GPR55: variants seen among roughly 807,000 people sequenced by gnomAD.
The protein encoded by GPR55 is G-protein coupled receptor 55.
A neutral mutation model predicts 7.9 loss-of-function variants in GPR55; 6 were observed. The ratio of observed to expected loss-of-function variants is 0.76; its 90% confidence interval spans 0.41 to 1.49. GPR55 has a LOEUF of 1.49. Among genes scored for constraint, GPR55 ranks in the 40% most tolerant of loss-of-function variants. The probability of loss-of-function intolerance (pLI) is 0.01; values close to 1 mark genes in which losing one functional copy is unlikely to be tolerated. For missense variants in GPR55, 376 were observed against 406.0 expected (o/e 0.93, Z 0.63); for synonymous variants, 183 against 166.8 (o/e 1.10, Z -0.75).
chr2:230,924,108 C>T lies in GPR55; in HGVS notation c.-135+1060G>A, dbSNP rs532814369. On this transcript the variant is annotated intron_variant, in intron 1 of 1. Transcript: ENST00000650999. This position sits in a 1 kb window ranked among gnomAD's most constrained non-coding sequence, Gnocchi z 4.5. The stretch of plus-strand genomic sequence containing the variant: ...GTGTCCCTGCTGTCCTCCAGCAACC[C>T]CAGGACCAGGACCATGTCCCTTTCA... Among the ~76,000 whole-genome samples the T allele has an allele frequency of 4.6e-5, 7 of 152,280 alleles. No individual in the cohort carries two copies. The East Asian group carries it at 1.3e-3, about 29-fold the overall frequency.
At chr2:230,931,894 G>A (rs1691045771) in intron 1 of GPR55, among the ~76,000 whole-genome samples, 1 of 151,924 alleles carries the variant, frequency 6.6e-6, no homozygotes, top group Non-Finnish European at 1.5e-5. Context: ...TGCTCCTGGA[G>A]CCAAAGGGAA....
rs752282468 is a variant in GPR55 at position 230,923,999 on chromosome 2, T to C, written c.-135+1169A>G. 3.0e-4 allele frequency among the ~76,000 whole-genome samples: 45 copies of C among 152,010 alleles called. No homozygotes were observed. Among genetic ancestry groups the C allele is most frequent in the Non-Finnish European group, 5.6e-4 (38 of 67,988 alleles). Reference sequence around the variant, plus strand: ...TTCCTTGAAATGCCCACTTCCCAGGTTCACCCACATCATCTGATGTGGTTT... The same window carrying C: ...TTCCTTGAAATGCCCACTTCCCAGGCTCACCCACATCATCTGATGTGGTTT... On this transcript the variant is annotated intron_variant, in intron 1 of 1. Transcript: ENST00000650999. The surrounding 1 kb of genome is among the most constrained non-coding windows in gnomAD (Gnocchi z 4.1).
intron 1 of GPR55, among the ~76,000 whole-genome samples, chr2:230,952,608 C>G (rs1020289646): frequency 6.6e-6 from 1 of 152,230 alleles, no homozygotes; most frequent in Non-Finnish European, 1.5e-5. Context: ...ATAGAGAACC[C>G]CTGCCCACAA....
chr2:230,935,262 G>A (rs933933335), intron 1 of GPR55, among the ~76,000 whole-genome samples: 7 of 152,148 alleles, frequency 4.6e-5, no homozygotes, highest in Admixed American at 3.3e-4. Flanking sequence ...AGGCAGGCAC[G>A]TCTTAGGAAC....
intron 1 of GPR55, among the ~76,000 whole-genome samples, chr2:230,947,065 T>G (rs1691329658): frequency 6.6e-6 from 1 of 152,228 alleles, no homozygotes; most frequent in African/African-American, 2.4e-5. Flanking sequence ...CCCTGTCACA[T>G]TGGCCACACC....
At chr2:230,913,461 A>G (rs1474475932) in intron 1 of GPR55, among the ~76,000 whole-genome samples, 1 of 152,242 alleles carries the variant, frequency 6.6e-6, no homozygotes, top group Non-Finnish European at 1.5e-5. Context: ...AACATTTAAC[A>G]TACATTACTT....
At chr2:230,958,031 T>C in intron 1 of GPR55, 1 of 304,192 alleles carries the variant, frequency 3.3e-6, no homozygotes, top group Non-Finnish European at 6.8e-6. Flanking sequence ...AAACATTTTA[T>C]GTACAATAAG....
chr2:230,926,440 A>G (rs1690943052), upstream of GPR55, among the ~76,000 whole-genome samples: 1 of 152,162 alleles, frequency 6.6e-6, no homozygotes, highest in Admixed American at 6.5e-5. Flanking sequence ...ATCTAAGCCA[A>G]AGGCTGGCTA....
intron 1 of GPR55, among the ~76,000 whole-genome samples, chr2:230,958,744 T>C (rs1234523978): frequency 6.6e-6 from 1 of 152,244 alleles, no homozygotes; most frequent in African/African-American, 2.4e-5. Context: ...AATTAACACA[T>C]AATCTGCAAA....
At chr2:230,946,973 A>T (rs1045872530) in intron 1 of GPR55, among the ~76,000 whole-genome samples, 3 of 152,234 alleles carry the variant, frequency 2.0e-5, no homozygotes, top group Non-Finnish European at 4.4e-5. Context: ...AAAAGTAAAT[A>T]AGAATTGGCA....
Position 230,910,171 on chromosome 2 carries a change from C to A in GPR55, c.792G>T (p.Gln264His). Residue 264 changes from glutamine (Q) to histidine (H), a missense_variant, in exon 2 of 2, where the codon CAG becomes CAT. Coordinates refer to ENST00000650999, the MANE Select transcript of GPR55 (RefSeq NM_005683.4). The surrounding 1 kb of genome is among the most constrained non-coding windows in gnomAD (Gnocchi z 5.4). The stretch of plus-strand genomic sequence containing the variant: ...ACAATTGCAAGAAGAAGCTGATGCT[C>A]TGCTTGGCTCTGCACTCTACGATAA... ...NSFIVECRAK[Q>H]SISFFLQLSM... is the part of the protein sequence containing the mutation. 1 of 1,614,194 alleles carries A rather than the reference C, an allele frequency of 6.2e-7. No individual in the cohort carries two copies.
At chr2:230,925,629 G>A (rs998172912), upstream of GPR55, among the ~76,000 whole-genome samples, 3 of 152,204 alleles carry the variant, frequency 2.0e-5, no homozygotes, top group African/African-American at 7.2e-5. Flanking sequence ...CCTGCCAAGG[G>A]CCGTCGTGGC....
chr2:230,932,635 G>A (rs1026571249), intron 1 of GPR55, among the ~76,000 whole-genome samples: 3 of 152,186 alleles, frequency 2.0e-5, no homozygotes, highest in African/African-American at 4.8e-5. Context: ...CGTGGGGCTC[G>A]AAACTGGCCA....
At chr2:230,911,698 C>A (rs920941944) in intron 1 of GPR55, among the ~76,000 whole-genome samples, 2 of 152,090 alleles carry the variant, frequency 1.3e-5, no homozygotes, top group Non-Finnish European at 2.9e-5. Context: ...CCTCTTGTAC[C>A]CCAAAGAGAA....
chr2:230,910,885 G>T lies in GPR55; in HGVS notation c.78C>A (p.Val26=). 2 of 1,614,120 alleles carry T rather than the reference G, an allele frequency of 1.2e-6. No individual in the cohort carries two copies. Among genetic ancestry groups the T allele is most frequent in the Non-Finnish European group, 1.7e-6 (2 of 1,179,988 alleles). ...GGCCCAGGACGAAGGTGGGGATGTG[G>T]ACTGCAAACTGTAGGGTTTTCATCA... ...NELMKTLQFA[V]HIPTFVLGLL... is the part of the protein sequence containing the mutation. The change falls in exon 2 of 2, where the codon GTC becomes GTA. Residue 26 remains valine, a synonymous_variant. Transcript: ENST00000650999. This position sits in a 1 kb window ranked among gnomAD's most constrained non-coding sequence, Gnocchi z 5.4.
rs201821985 is a variant in GPR55 at position 230,910,585 on chromosome 2, C to T, written c.378G>A (p.Pro126=). 12 of 1,613,842 alleles carry T rather than the reference C, an allele frequency of 7.4e-6. No homozygotes were observed. The East Asian group carries it at 1.6e-4, about 21-fold the overall frequency. The change falls in exon 2 of 2, where the codon CCG becomes CCA. Residue 126 remains proline (P), a synonymous_variant. Coordinates refer to ENST00000650999, the MANE Select transcript of GPR55 (RefSeq NM_005683.4). This position sits in a 1 kb window ranked among gnomAD's most constrained non-coding sequence, Gnocchi z 5.4. ...SMDRFLAIRY[P]LLVSHLRSPR... is the part of the protein sequence containing the mutation. ...GGGACCGGAGGTGGCTCACCAGTAG[C>T]GGGTAACGGATGGCCAAGAACCGGT...
At chr2:230,929,208 T>G (rs1432427441), upstream of GPR55, among the ~76,000 whole-genome samples, 1 of 151,896 alleles carries the variant, frequency 6.6e-6, no homozygotes, top group Non-Finnish European at 1.5e-5. Flanking sequence ...GTCAGCTGGG[T>G]GCTATACCAC....
chr2:230,931,036 C>T (rs1050807431), intron 1 of GPR55, among the ~76,000 whole-genome samples: 1 of 152,182 alleles, frequency 6.6e-6, no homozygotes, highest in South Asian at 2.1e-4. Context: ...ACCCGCCACT[C>T]CCCCGGGAAC....
chr2:230,953,642 C>T (rs1387851211), intron 1 of GPR55, among the ~76,000 whole-genome samples: 1 of 152,184 alleles, frequency 6.6e-6, no homozygotes, highest in Non-Finnish European at 1.5e-5. Context: ...TAATATATGG[C>T]AATGTGTTAC....
Sources: allele counts gnomAD v4.1 joint callset (sites outside exome capture counted in the v4.1 genomes callset), GRCh38; gene constraint gnomAD v4.1.1; non-coding constraint Gnocchi (gnomAD v3.1); transcripts MANE v1.5; gene names NCBI Gene and HGNC (gene_info 2026-07-23, HGNC 2026-07-21).